APLF: variants seen among roughly 807,000 people sequenced by gnomAD.
APLF encodes the protein aprataxin and PNKP like factor.
Under a neutral mutation model 55.6 loss-of-function variants are expected in APLF, and 61 were observed. The observed-to-expected ratio is 1.10, with a 90% CI of 0.89 to 1.36. The LOEUF is 1.36. Among genes scored for constraint, APLF ranks in the 40% most tolerant of loss-of-function variants. The probability of loss-of-function intolerance (pLI) is 0.00; values close to 1 mark genes in which losing one functional copy is unlikely to be tolerated. For synonymous variants in APLF, 207 were observed against 214.8 expected (o/e 0.96, Z 0.32); for missense variants, 611 against 602.5 (o/e 1.01, Z -0.15).
chr2:68,561,208 C>T (rs1194851753), intron 8 of APLF, among the ~76,000 whole-genome samples: 1 of 152,052 alleles, frequency 6.6e-6, no homozygotes, highest in Non-Finnish European at 1.5e-5. Context: ...GATTTTTATA[C>T]ACACTACTTT....
intron 1 of APLF, among the ~76,000 whole-genome samples, chr2:68,479,982 A>G (rs1675901524): frequency 6.6e-6 from 1 of 152,208 alleles, no homozygotes; most frequent in African/African-American, 2.4e-5. Flanking sequence ...TTTCTGAATA[A>G]CATGCTCTTT....
rs1216167933 is a variant in APLF at position 68,570,443 on chromosome 2, C to T, written c.1333+3056C>T. On this transcript the variant is annotated intron_variant, in intron 9 of 9. Transcript: ENST00000303795. ...ATCTCCTAATGCTATCCCTCCCCCA[C>T]TCCCCCCACCCCACAACAGGCCCCA... Among the ~76,000 whole-genome samples, 5 of 150,640 alleles carry T rather than the reference C, an allele frequency of 3.3e-5. No homozygotes were observed. The East Asian group carries it at 5.9e-4, about 18-fold the overall frequency.
intron 3 of APLF, among the ~76,000 whole-genome samples, chr2:68,504,152 C>A (rs1676804599): frequency 6.6e-6 from 1 of 151,828 alleles, no homozygotes; most frequent in South Asian, 2.1e-4. Context: ...CTGATGAATT[C>A]TATATTCATT....
In APLF at chr2:68,527,576, T is replaced by C. The variant is rs189925010; in HGVS notation, c.804+1334T>C. 8.3e-3 allele frequency among the ~76,000 whole-genome samples: 640 copies of C among 77,306 alleles called. 18 individuals are homozygous for C. The highest frequency in any genetic ancestry group is 0.065 in the Admixed American group (542 of 8,370). The allele number at this position is 77,306 out of a possible 152,430, so 50.7% of individuals were successfully genotyped here. On this transcript the variant is annotated intron_variant, in intron 6 of 9. Coordinates refer to ENST00000303795, the MANE Select transcript of APLF (RefSeq NM_173545.3). Reference sequence around the variant, plus strand: ...CAGAAGCGCTCCTCACTTCCCAGAGTGTAAGGGGGCCGGGCAGAGGCAGTC... The same window carrying C: ...CAGAAGCGCTCCTCACTTCCCAGAGCGTAAGGGGGCCGGGCAGAGGCAGTC...
chr2:68,485,008 C>G (rs987085439), intron 1 of APLF, among the ~76,000 whole-genome samples: 1 of 151,872 alleles, frequency 6.6e-6, no homozygotes, highest in African/African-American at 2.4e-5. Flanking sequence ...TTCTCCTGAA[C>G]ACAGTTGAAA....
At chr2:68,476,275 C>A (rs759905139) in intron 1 of APLF, among the ~76,000 whole-genome samples, 10 of 151,962 alleles carry the variant, frequency 6.6e-5, no homozygotes, top group Non-Finnish European at 1.3e-4. Context: ...CACCTGAGGT[C>A]AGGAGTTTGA....
chr2:68,536,306 T>G (rs1670383916), intron 6 of APLF, among the ~76,000 whole-genome samples: 1 of 152,222 alleles, frequency 6.6e-6, no homozygotes, highest in Non-Finnish European at 1.5e-5. Context: ...GTTCCTTTTT[T>G]CAAGGCAGTT....
chr2:68,468,533 A>G lies in APLF; in HGVS notation c.96+706A>G, dbSNP rs1280030301. Among the ~76,000 whole-genome samples the G allele has an allele frequency of 2.0e-5, 3 of 152,338 alleles. No homozygotes were observed. The East Asian group carries it at 5.8e-4, about 29-fold the overall frequency. On this transcript the variant is annotated intron_variant, in intron 1 of 9. Transcript: ENST00000303795. Reference sequence around the variant, plus strand: ...CAGATGAGAAAATTGAGCCATACATACATTATTTAAAGTCCATACATAAGC... The same window carrying G: ...CAGATGAGAAAATTGAGCCATACATGCATTATTTAAAGTCCATACATAAGC...
intron 7 of APLF, among the ~76,000 whole-genome samples, chr2:68,540,700 A>G (rs985124533): frequency 1.3e-5 from 2 of 152,148 alleles, no homozygotes; most frequent in Non-Finnish European, 2.9e-5. Flanking sequence ...GTAAAGATAT[A>G]TATTTCCTCA....
At chr2:68,495,735 G>C (rs1022122789) in intron 2 of APLF, among the ~76,000 whole-genome samples, 1 of 152,236 alleles carries the variant, frequency 6.6e-6, no homozygotes, top group Non-Finnish European at 1.5e-5. Context: ...TGGATACCCA[G>C]GCTTTTCCAT....
intron 1 of APLF, among the ~76,000 whole-genome samples, chr2:68,470,218 T>C (rs907580229): frequency 6.6e-6 from 1 of 152,236 alleles, no homozygotes; most frequent in Non-Finnish European, 1.5e-5. Context: ...AGATTACATA[T>C]TGTGTGATTC....
chr2:68,487,685 CTGTT>C (rs1182251904), intron 1 of APLF, among the ~76,000 whole-genome samples: 2 of 152,052 alleles, frequency 1.3e-5, no homozygotes, highest in African/African-American at 2.4e-5. Context: ...TTAGGATAAT[CTGTT>C]TGTCACTTGC....
chr2:68,556,722 A>G (rs191387802), intron 8 of APLF, among the ~76,000 whole-genome samples: 90 of 152,318 alleles, frequency 5.9e-4, no homozygotes, highest in Middle Eastern at 3.4e-3. Flanking sequence ...TTAGGCTACC[A>G]TGTGTCATGC....
intron 5 of APLF, among the ~76,000 whole-genome samples, chr2:68,520,259 G>C (rs1669858681): frequency 1.3e-5 from 2 of 151,970 alleles, no homozygotes; most frequent in Non-Finnish European, 2.9e-5. Context: ...CTCCCACTCT[G>C]TGAGTTGTCT....
intron 2 of APLF, among the ~76,000 whole-genome samples, chr2:68,498,501 C>G (rs764200239): frequency 2.7e-4 from 41 of 152,226 alleles, no homozygotes; most frequent in Non-Finnish European, 5.0e-4. Flanking sequence ...GGATGACTTT[C>G]TGCCTTTTTT....
intron 3 of APLF, among the ~76,000 whole-genome samples, chr2:68,512,433 G>C (rs1669410629): frequency 1.3e-5 from 2 of 151,742 alleles, no homozygotes; most frequent in Non-Finnish European, 2.9e-5. Flanking sequence ...TTTTCGAAAA[G>C]ACAAATTCGT....
intron 2 of APLF, among the ~76,000 whole-genome samples, chr2:68,496,474 T>C (rs1273733099): frequency 1.3e-5 from 2 of 152,206 alleles, no homozygotes; most frequent in Non-Finnish European, 2.9e-5. Context: ...TGAATCCTTC[T>C]CCTGAAAAAG....
intron 1 of APLF, among the ~76,000 whole-genome samples, chr2:68,488,624 C>G (rs1676261655): frequency 6.6e-6 from 1 of 152,066 alleles, no homozygotes; most frequent in Non-Finnish European, 1.5e-5. Context: ...CCACCACACC[C>G]TGCCTATTAC....
At chr2:68,548,611 A>G (rs1320808065) in intron 8 of APLF, among the ~76,000 whole-genome samples, 1 of 151,958 alleles carries the variant, frequency 6.6e-6, no homozygotes, top group Admixed American at 6.6e-5. Context: ...CCAAGTGTTG[A>G]TGAAACAGTG....
Sources: gnomAD v4.1 joint callset for allele counts (sites outside exome capture counted in the v4.1 genomes callset) on GRCh38, gnomAD v4.1.1 for gene constraint, MANE v1.5 for transcripts, NCBI Gene and HGNC (gene_info 2026-07-23, HGNC 2026-07-21) for gene names.